The following ZNF469 variants were observed in gnomAD, a reference collection of about 807,000 sequenced individuals.
The protein encoded by ZNF469 is zinc finger protein 469.
A neutral mutation model predicts 1.0 loss-of-function variants in ZNF469; 1 was observed. The ratio of observed to expected loss-of-function variants is 1.00; its 90% CI spans 0.35 to 4.73. The LOEUF is 4.73. Ranked by LOEUF, ZNF469 falls within the 30% of genes most tolerant of loss-of-function variation. ZNF469 has a pLI of 0.16. For missense variants in ZNF469, 6,100 were observed against 5,356.3 expected (o/e 1.14, Z -4.33); for synonymous variants, 2,703 against 2,363.4 (o/e 1.14, Z -4.17).
chr16:88,291,308 G>T, the ZNF469 span, among the ~76,000 whole-genome samples: 1 of 152,158 alleles, frequency 6.6e-6, no homozygotes. Flanking sequence ...CTGCACATTG[G>T]TCCCCACTAC....
chr16:88,427,075 C>G (rs898257462), intron 2 of ZNF469, among the ~76,000 whole-genome samples: 7 of 152,158 alleles, frequency 4.6e-5, no homozygotes, highest in African/African-American at 1.7e-4. Context: ...CCTCCCTCCC[C>G]CTCCACTCAA....
At chr16:88,134,367 G>C in the ZNF469 span, among the ~76,000 whole-genome samples, 1 of 152,218 alleles carries the variant, frequency 6.6e-6, no homozygotes, top group Non-Finnish European at 1.5e-5. Flanking sequence ...CTGGAACCAT[G>C]TGCTGGGAGC....
the ZNF469 span, among the ~76,000 whole-genome samples, chr16:88,249,368 G>T: frequency 4.1e-5 from 6 of 147,656 alleles, no homozygotes; most frequent in African/African-American, 1.5e-4. Context: ...GGACTCCCAA[G>T]ATGGGACTAC....
At chr16:88,345,283 C>T in the ZNF469 span, among the ~76,000 whole-genome samples, 2 of 152,350 alleles carry the variant, frequency 1.3e-5, no homozygotes, top group South Asian at 2.1e-4. Flanking sequence ...AGCTCTGTGC[C>T]TGTGCTGGCA....
the ZNF469 span, among the ~76,000 whole-genome samples, chr16:88,179,421 A>G: frequency 1.1e-4 from 16 of 152,172 alleles, no homozygotes; most frequent in African/African-American, 3.1e-4. Context: ...CACCCTAAGC[A>G]GGAGCAGCCG....
At chr16:88,298,433 C>A in the ZNF469 span, among the ~76,000 whole-genome samples, 1 of 152,228 alleles carries the variant, frequency 6.6e-6, no homozygotes, top group Non-Finnish European at 1.5e-5. Context: ...CAAGAGAAGC[C>A]TGTTCAATCT....
At chr16:88,361,114 A>T in the ZNF469 span, among the ~76,000 whole-genome samples, 4 of 152,326 alleles carry the variant, frequency 2.6e-5, no homozygotes, top group Middle Eastern at 0.01. Flanking sequence ...ACAGATCATC[A>T]GGCATTAGAT....
Position 88,435,301 on chromosome 16 carries a change from G to A in ZNF469, c.7831G>A (p.Glu2611Lys), listed in dbSNP as rs281865151. ...GCATCCCAAACAGGCAGAAAAAAGA[G>A]AAGGCCGGAGGTGGCGCCGAGAGCC... ...ELHPKQAEKR[E>K]GRRWRREPTV... The change falls in exon 3 of 3, where the codon GAA becomes AAA. Residue 2611 changes from glutamate (E) to lysine (K), a missense_variant. Coordinates refer to ENST00000565624, the MANE Select transcript of ZNF469 (RefSeq NM_001367624.2). 152 of 1,550,374 alleles carry A rather than the reference G, an allele frequency of 9.8e-5. No homozygotes were observed. The highest frequency in any genetic ancestry group is 3.3e-4 in the Middle Eastern group (2 of 5,992).
chr16:88,257,532 A>G, the ZNF469 span, among the ~76,000 whole-genome samples: 13 of 152,312 alleles, frequency 8.5e-5, no homozygotes, highest in Middle Eastern at 3.4e-3. Flanking sequence ...CAGCTTATCA[A>G]TTATTTCTTT....
chr16:88,301,565 A>G, the ZNF469 span, among the ~76,000 whole-genome samples: 9 of 152,248 alleles, frequency 5.9e-5, no homozygotes, highest in Non-Finnish European at 1.3e-4. Context: ...GGGCACCGTC[A>G]GGCGAGTAGG....
At chr16:88,200,923 G>A in the ZNF469 span, among the ~76,000 whole-genome samples, 15 of 152,338 alleles carry the variant, frequency 9.8e-5, no homozygotes, top group East Asian at 1.2e-3. Flanking sequence ...TGGACGGTGG[G>A]CTCTGGCCCT....
At chr16:88,267,220 C>T in the ZNF469 span, among the ~76,000 whole-genome samples, 1 of 152,314 alleles carries the variant, frequency 6.6e-6, no homozygotes, top group South Asian at 2.1e-4. Context: ...ACCTTGCTGC[C>T]GAGGGCTTGC....
rs529103356 is a variant in ZNF469 at position 88,431,905 on chromosome 16, G to A, written c.4435G>A (p.Gly1479Ser). ...CAGCCTGTCTGCGAACAGGGACTCC[G>A]GTCTGCCGTTCGCATGTGCCGACCC... Reference protein sequence around the residue: ...YGSLSANRDSGLPFACADPPQ... With the variant: ...YGSLSANRDSSLPFACADPPQ... Residue 1479 changes from glycine (G) to serine (S), a missense_variant, in exon 3 of 3, where the codon GGT (glycine) becomes AGT (serine). Gly to Ser is a moderately conservative substitution (Grantham distance 56). Transcript: ENST00000565624. 54 of 1,549,736 alleles carry A rather than the reference G, an allele frequency of 3.5e-5. No individual in the cohort carries two copies. Among genetic ancestry groups the A allele is most frequent in the South Asian group, 1.8e-4 (15 of 84,042 alleles).
At chr16:88,404,713 G>C (rs1228634236) in intron 1 of ZNF469, among the ~76,000 whole-genome samples, 1 of 152,148 alleles carries the variant, frequency 6.6e-6, no homozygotes, top group Non-Finnish European at 1.5e-5. Context: ...CCACCCAGAG[G>C]GGTGAGTGTG....
At chr16:88,246,615 G>C in the ZNF469 span, among the ~76,000 whole-genome samples, 4 of 152,348 alleles carry the variant, frequency 2.6e-5, no homozygotes, top group African/African-American at 9.6e-5. Flanking sequence ...GTAGGTCAAA[G>C]TGAAGCCCAG....
the ZNF469 span, among the ~76,000 whole-genome samples, chr16:88,275,176 C>G: frequency 2.6e-5 from 4 of 152,298 alleles, no homozygotes; most frequent in African/African-American, 7.2e-5. Context: ...CATTTGGCCT[C>G]TGCAGGCAGC....
the ZNF469 span, among the ~76,000 whole-genome samples, chr16:88,173,295 C>A: frequency 6.6e-6 from 1 of 152,102 alleles, no homozygotes; most frequent in East Asian, 1.9e-4. Flanking sequence ...ACCATGCAAG[C>A]CAGAAGGCCA....
At chr16:88,221,879 C>T in the ZNF469 span, among the ~76,000 whole-genome samples, 4 of 152,298 alleles carry the variant, frequency 2.6e-5, no homozygotes, top group South Asian at 8.3e-4. Context: ...TGGATTTTCT[C>T]TTCTAAGAAC....
chr16:88,255,297 C>T, the ZNF469 span, among the ~76,000 whole-genome samples: 1 of 152,190 alleles, frequency 6.6e-6, no homozygotes, highest in African/African-American at 2.4e-5. Flanking sequence ...AGTGCTAAGC[C>T]AGATGGGTTC....
Sources: gnomAD v4.1 joint callset for allele counts (sites outside exome capture counted in the v4.1 genomes callset) on GRCh38, gnomAD v4.1.1 for gene constraint, MANE v1.5 for transcripts, NCBI Gene and HGNC (gene_info 2026-07-23, HGNC 2026-07-21) for gene names.